USP7: variants seen among roughly 807,000 people sequenced by gnomAD.
USP7 encodes the protein ubiquitin C-terminal hydrolase 7.
In USP7, 9 loss-of-function variants were observed where a neutral mutation model predicts 162.9. The ratio of observed to expected loss-of-function variants is 0.06; its 90% CI spans 0.03 to 0.10. The LOEUF is 0.10. USP7 is among the 10% of genes least tolerant of loss of function. The pLI is 1.00. For missense variants in USP7, 715 were observed against 1,373.7 expected, an observed-to-expected ratio of 0.52 and a Z score of 7.58; for synonymous variants, 562 against 475.9, an observed-to-expected ratio of 1.18 and a Z score of -2.35.
intron 3 of USP7, among the ~76,000 whole-genome samples, chr16:8,921,947 G>A (rs1897716248): frequency 6.6e-6 from 1 of 152,204 alleles, no homozygotes; most frequent in Non-Finnish European, 1.5e-5. Context: ...CCCTGAAATG[G>A]TTTGACTCTT....
chr16:8,948,841 G>GC (rs1481431075), intron 1 of USP7, among the ~76,000 whole-genome samples: 1 of 152,184 alleles, frequency 6.6e-6, no homozygotes, highest in Non-Finnish European at 1.5e-5. Context: ...GCGTGTGCCT[G>GC]CAGTTCCAGC....
intron 11 of USP7, among the ~76,000 whole-genome samples, chr16:8,910,391 A>C (rs1484514193): frequency 6.6e-6 from 1 of 152,210 alleles, no homozygotes; most frequent in Non-Finnish European, 1.5e-5. Flanking sequence ...AAAGAAACAC[A>C]ACCTAAACAC....
intron 26 of USP7, 23 bp from the exon 27 acceptor site, chr16:8,895,764 T>C (rs200850233): frequency 4.0e-6 from 6 of 1,491,306 alleles, no homozygotes; most frequent in Admixed American, 1.9e-5. Flanking sequence ...GAAAAAAAAA[T>C]AGGGCAAAAT....
chr16:8,952,057 T>C (rs1596413968), intron 1 of USP7, among the ~76,000 whole-genome samples: 1 of 118,128 alleles, frequency 8.5e-6, no homozygotes, highest in Middle Eastern at 4.3e-3. Flanking sequence ...AGCAGGAGGG[T>C]GTTTAAATAA....
rs145714242 is a variant in USP7, at chr16:8,929,793, G to C, written c.184+500C>G. Reference sequence around the variant, plus strand: ...ATACATATGAGTATGCTTTCTCACAGAGAAGCTATAGACCAAAACTCAGTG... The same window carrying C: ...ATACATATGAGTATGCTTTCTCACACAGAAGCTATAGACCAAAACTCAGTG... On this transcript the variant is annotated intron_variant, in intron 2 of 30. Transcript: ENST00000344836. Among the ~76,000 whole-genome samples the C allele has an allele frequency of 2.4e-3, 365 of 152,316 alleles. 2 individuals are homozygous for C. Among genetic ancestry groups the C allele is most frequent in the African/African-American group, 8.5e-3 (355 of 41,572 alleles).
intron 2 of USP7, among the ~76,000 whole-genome samples, chr16:8,927,383 T>C (rs1027347230): frequency 2.6e-5 from 4 of 151,288 alleles, no homozygotes; most frequent in African/African-American, 4.9e-5. Context: ...ATCAGAAAGG[T>C]TGGTATGAAA....
intron 2 of USP7, chr16:8,929,454 G>A (rs2096435944): frequency 2.2e-6 from 1 of 455,830 alleles, no homozygotes; most frequent in Non-Finnish European, 4.4e-6. Context: ...TTCTCATGGA[G>A]GCTGAACTTT....
In USP7 at chr16:8,894,629, T is replaced by C. The variant is rs771580473; in HGVS notation, c.3123A>G (p.Ala1041=). The change falls in exon 30 of 31, where the codon GCA becomes GCG. Residue 1041 remains alanine, a synonymous_variant. Coordinates refer to ENST00000344836, the MANE Select transcript of USP7 (RefSeq NM_003470.3). The part of the protein sequence containing the change: ...QEKEFEKFKF[A]IVMMGRHQYI... ...ACTGGTGTCGGCCCATCATTACAAT[T>C]GCAAATTTAAACTAAAAGAAAAAAA... 7.4e-6 allele frequency: 12 copies of C among 1,613,614 alleles called. No individual in the cohort carries two copies. Among genetic ancestry groups the C allele is most frequent in the African/African-American group, 1.3e-5 (1 of 74,860 alleles).
At chr16:8,962,019 T>A (rs2141271560) in intron 1 of USP7, among the ~76,000 whole-genome samples, 1 of 152,346 alleles carries the variant, frequency 6.6e-6, no homozygotes, top group Non-Finnish European at 1.5e-5. Context: ...ACTATCCAAT[T>A]ACTGGAAGTA....
intron 1 of USP7, among the ~76,000 whole-genome samples, chr16:8,939,702 G>A (rs1369882930): frequency 2.0e-5 from 3 of 152,124 alleles, no homozygotes; most frequent in Non-Finnish European, 4.4e-5. Context: ...TACATTGCTC[G>A]TGCACTTTTT....
chr16:8,959,595 A>G (rs1335045463), intron 1 of USP7, among the ~76,000 whole-genome samples: 1 of 152,184 alleles, frequency 6.6e-6, no homozygotes, highest in Non-Finnish European at 1.5e-5. Context: ...CTTTGCAAAG[A>G]ATTATCTTAG....
At position 8,946,395 on chromosome 16, in the gene USP7, A is replaced by G. The variant is rs918118072; in HGVS notation, c.80-15998T>C. ...CAGGAGTTCAAGACCAGCCTGGCCA[A>G]TATGGTGAAACCGCATCTCTAAATA... On this transcript the variant is annotated intron_variant, in intron 1 of 30. Transcript: ENST00000344836. Among the ~76,000 whole-genome samples, 5 of 152,328 alleles carry G rather than the reference A, an allele frequency of 3.3e-5. No individual in the cohort carries two copies. In the East Asian group the frequency reaches 9.6e-4, roughly 29 times the overall value.
At chr16:8,953,026 G>A (rs1297296513) in intron 1 of USP7, among the ~76,000 whole-genome samples, 4 of 152,002 alleles carry the variant, frequency 2.6e-5, no homozygotes, top group African/African-American at 4.8e-5. Context: ...TAGTAGAGAC[G>A]GGGTTTCACC....
chr16:8,905,201 C>T lies in USP7; in HGVS notation c.1559G>A (p.Arg520Lys), dbSNP rs748273634. 6.2e-7 allele frequency: 1 copy of T among 1,614,074 alleles called. No homozygotes were observed. Among genetic ancestry groups the T allele is most frequent in the South Asian group, 1.1e-5 (1 of 91,082 alleles). The change falls in exon 14 of 31, where the codon AGG (arginine) becomes AAG (lysine). Residue 520 changes from arginine (R) to lysine (K), a missense_variant. Transcript: ENST00000344836. The stretch of plus-strand genomic sequence containing the variant: ...ACACTACTCACTCAGTTTTGATTCC[C>T]TGATGTAGACTAACATGTAAGCATT... ...CTNAYMLVYI[R>K]ESKLSEVLQA... is the part of the protein sequence containing the mutation.
At chr16:8,962,368 C>T (rs1052751213) in intron 1 of USP7, 3 of 241,244 alleles carry the variant, frequency 1.2e-5, no homozygotes, top group Admixed American at 4.3e-5. Context: ...AAATCCAACA[C>T]CCTTCTCTTT....
intron 12 of USP7, among the ~76,000 whole-genome samples, chr16:8,907,743 G>C (rs940990017): frequency 1.3e-5 from 2 of 152,180 alleles, no homozygotes; most frequent in Admixed American, 6.5e-5. Flanking sequence ...GAGCCCAGCA[G>C]TTCAAGGCTG....
At chr16:8,910,892 G>GTT in intron 10 of USP7, 65 bp from the exon 11 acceptor site, 1 of 1,328,488 alleles carries the variant, frequency 7.5e-7, no homozygotes, top group East Asian at 2.3e-5. Context: ...CAACACAGGT[G>GTT]TAAGTTATTT....
intron 3 of USP7, among the ~76,000 whole-genome samples, chr16:8,921,697 A>C (rs536731972): frequency 1.1e-4 from 17 of 152,280 alleles, no homozygotes; most frequent in Admixed American, 2.6e-4. Flanking sequence ...GCTGGGGGAA[A>C]ACCAGCACCG....
rs1444594602 is a variant in USP7 at position 8,902,499 on chromosome 16, G to T, written c.1840-17C>A. ...TGGAAATCCCTGAAAAAAATATTAA[G>T]AGTAGATTAAAATAAAAACACGCTC... On this transcript the variant is annotated splice_polypyrimidine_tract_variant and intron_variant, in intron 16 of 30. Coordinates refer to ENST00000344836, the MANE Select transcript of USP7 (RefSeq NM_003470.3). 6.2e-6 allele frequency: 10 copies of T among 1,606,770 alleles called. No individual in the cohort carries two copies. The highest frequency in any genetic ancestry group is 7.7e-6 in the Non-Finnish European group (9 of 1,175,378).
Sources: gnomAD v4.1 joint callset for allele counts (sites outside exome capture counted in the v4.1 genomes callset) on GRCh38, gnomAD v4.1.1 for gene constraint, MANE v1.5 for transcripts, NCBI Gene and HGNC (gene_info 2026-07-23, HGNC 2026-07-21) for gene names.